ASPHD1: variants seen among roughly 807,000 people sequenced by gnomAD.
ASPHD1 encodes the protein aspartate beta-hydroxylase domain containing 1, also known as aspartate beta-hydroxylase domain-containing protein 1.
ASPHD1 carries 20 observed loss-of-function variants against 28.3 expected under a neutral mutation model. The observed-to-expected ratio is 0.71, with a 90% confidence interval of 0.50 to 1.03. ASPHD1 has a LOEUF of 1.03. ASPHD1 is among the 50% of genes least tolerant of loss of function. The pLI, the probability that ASPHD1 is intolerant of heterozygous loss-of-function variation, is 0.00. For missense variants in ASPHD1, 479 were observed against 524.1 expected (o/e 0.91, Z 0.84); for synonymous variants, 240 against 221.2 (o/e 1.08, Z -0.75).
At chr16:29,911,935 A>T (rs780447062) in intron 3 of ASPHD1, 3 of 1,609,590 alleles carry the variant, frequency 1.9e-6, no homozygotes, top group Admixed American at 3.4e-5. Flanking sequence ...GTGAGCCTCC[A>T]CCCTGCAGGG....
chr16:29,915,986 C>G (rs1197762328), intron 3 of ASPHD1, among the ~76,000 whole-genome samples: 2 of 152,080 alleles, frequency 1.3e-5, no homozygotes, highest in African/African-American at 4.8e-5. Context: ...AACTTACTCT[C>G]TCCTCTTCAG....
chr16:29,919,148 TG>T (rs1349391419), intron 3 of ASPHD1, among the ~76,000 whole-genome samples: 2 of 152,158 alleles, frequency 1.3e-5, no homozygotes, highest in Admixed American at 6.5e-5. Flanking sequence ...AGGATAAGGC[TG>T]GGTAATAAAC....
At chr16:29,904,424 G>A (rs2068581388) in intron 1 of ASPHD1, among the ~76,000 whole-genome samples, 1 of 150,316 alleles carries the variant, frequency 6.7e-6, no homozygotes, top group South Asian at 2.1e-4. Context: ...CCAACCTGGC[G>A]ACAGAGCAAG....
At chr16:29,907,114 A>G (rs747340195), downstream of ASPHD1, 15 of 1,595,454 alleles carry the variant, frequency 9.4e-6, no homozygotes, top group South Asian at 1.3e-4. Context: ...TCCACCTGCA[A>G]AAGGCCAGCC....
rs529978055 is a variant in ASPHD1, at chr16:29,904,724, T to C, written c.950-128T>C. 14 of 588,082 alleles carry C rather than the reference T, an allele frequency of 2.4e-5. No individual in the cohort carries two copies. In the South Asian group the frequency reaches 3.0e-4, roughly 13 times the overall value. The allele number at this position is 588,082 out of a possible 1,614,324, so 36.4% of individuals were successfully genotyped here. A position where few individuals can be genotyped will look rare whatever the true frequency, so the allele number is the denominator to read the frequency against. On this transcript the variant is annotated intron_variant, in intron 1 of 2. Transcript: ENST00000308748. ...TTGTAATTATACTGTGGCCACTTTC[T>C]GGAAAGAAAGGAGGATGACCACAAA...
rs1379891732 is a variant in ASPHD1 at position 29,911,592 on chromosome 16, A to T, written c.*62+5633A>T. On this transcript the variant is annotated intron_variant and NMD_transcript_variant, in intron 3 of 3. Transcript: ENST00000414952. Reference sequence around the variant, plus strand: ...GAGCACTTGGGATAGGCTCGCCACTATCACTTTGTCCTCACCCAAACCCAT... The same window carrying T: ...GAGCACTTGGGATAGGCTCGCCACTTTCACTTTGTCCTCACCCAAACCCAT... 12 of 598,160 alleles carry T rather than the reference A, an allele frequency of 2.0e-5. No homozygotes were observed. The East Asian group carries it at 3.3e-4, about 17-fold the overall frequency. 37.1% of individuals were successfully genotyped at this position (598,160 alleles called of 1,614,324 possible). A position where few individuals can be genotyped will look rare whatever the true frequency, so the allele number is the denominator to read the frequency against.
Position 29,901,865 on chromosome 16 carries a change from G to A in ASPHD1, c.894G>A (p.Gly298=). The A allele has an allele frequency of 6.5e-7, 1 of 1,536,134 alleles. No individual in the cohort carries two copies. Among genetic ancestry groups the A allele is most frequent in the Non-Finnish European group, 8.7e-7 (1 of 1,143,684 alleles). Residue 298 remains glycine (G), a synonymous_variant, in exon 1 of 3, where the codon GGG becomes GGA. Coordinates refer to ENST00000308748, the MANE Select transcript of ASPHD1 (RefSeq NM_181718.4). The surrounding 1 kb of genome is among the most constrained non-coding windows in gnomAD (Gnocchi z 5.1). ...CCGGCTTTTCCGTTCTCCTGCCTGG[G>A]GCCCGGCTCGAGGGCCGCTGTGGGC... The part of the protein sequence containing the change: ...GNAGFSVLLP[G]ARLEGRCGPT...
intron 3 of ASPHD1, among the ~76,000 whole-genome samples, chr16:29,916,784 C>G (rs1438970552): frequency 6.6e-6 from 1 of 152,192 alleles, no homozygotes; most frequent in Admixed American, 6.6e-5. Context: ...CTGGGTGGCC[C>G]TGGCCCAGAA....
chr16:29,905,840 C>T lies in ASPHD1; in HGVS notation c.1116C>T (p.Pro372=). The stretch of plus-strand genomic sequence containing the variant: ...TCTTCATCGTGGACCTCTGGCACCC[C>T]AACGTGGCAGGGGCTGAGCGCCAGG... ...RVVFIVDLWH[P]NVAGAERQAL... Residue 372 remains proline, a synonymous_variant, in exon 3 of 3, where the codon CCC becomes CCT. Coordinates refer to ENST00000308748, the MANE Select transcript of ASPHD1 (RefSeq NM_181718.4). 1.2e-6 allele frequency: 2 copies of T among 1,613,796 alleles called. No individual in the cohort carries two copies. The highest frequency in any genetic ancestry group is 1.7e-6 in the Non-Finnish European group (2 of 1,179,916).
chr16:29,911,480 C>T (rs2068708244), intron 3 of ASPHD1: 2 of 562,294 alleles, frequency 3.6e-6, no homozygotes, highest in Non-Finnish European at 6.3e-6. Context: ...TACTTCACCT[C>T]TTGGTGTCCC....
chr16:29,907,189 C>A (rs1454443906), downstream of ASPHD1: 99 of 938,438 alleles, frequency 1.1e-4, no homozygotes, highest in Non-Finnish European at 8.2e-6. Context: ...GCCCCTGCAC[C>A]AACACACCTC....
Position 29,901,247 on chromosome 16 carries a change from C to T in ASPHD1, c.276C>T (p.Leu92=). The T allele has an allele frequency of 6.2e-7, 1 of 1,613,676 alleles. No homozygotes were observed. The highest frequency in any genetic ancestry group is 1.1e-5 in the South Asian group (1 of 91,082). Reference sequence around the variant, plus strand: ...TCGGGGCCCTCACTTCCCTGTTCCTCTGGTACTGCTACCGCCTGGGCTCCC... The same window carrying T: ...TCGGGGCCCTCACTTCCCTGTTCCTTTGGTACTGCTACCGCCTGGGCTCCC... ...LLFGALTSLF[L]WYCYRLGSQD... is the part of the protein sequence containing the mutation. Residue 92 remains leucine (L), a synonymous_variant, in exon 1 of 3, where the codon CTC becomes CTT. Coordinates refer to ENST00000308748, the MANE Select transcript of ASPHD1 (RefSeq NM_181718.4). This position sits in a 1 kb window ranked among gnomAD's most constrained non-coding sequence, Gnocchi z 5.1.
At chr16:29,910,397 AAATAAT>A (rs142518050), downstream of ASPHD1, among the ~76,000 whole-genome samples, 3,597 of 151,348 alleles carry the variant, frequency 0.024, 129 homozygotes, top group African/African-American at 0.083. Context: ...ACTCCATCTC[AAATAAT>A]AATAATAATA....
chr16:29,919,338 T>C (rs2068867538), intron 3 of ASPHD1, among the ~76,000 whole-genome samples: 1 of 152,236 alleles, frequency 6.6e-6, no homozygotes, highest in African/African-American at 2.4e-5. Flanking sequence ...ATGGTATTAT[T>C]TGGCTTATGT....
intron 3 of ASPHD1, among the ~76,000 whole-genome samples, chr16:29,917,938 ACT>A (rs1024163760): frequency 2.0e-5 from 3 of 152,100 alleles, no homozygotes; most frequent in Non-Finnish European, 4.4e-5. Context: ...ACAGATCAAG[ACT>A]CTGCCTCAAA....
chr16:29,912,706 C>T (rs1172477666), intron 3 of ASPHD1, among the ~76,000 whole-genome samples: 2 of 152,258 alleles, frequency 1.3e-5, no homozygotes, highest in East Asian at 1.9e-4. Context: ...TCCCAAAGTG[C>T]TGGGATTACA....
At chr16:29,902,876 A>ATT (rs1157464686) in intron 1 of ASPHD1, among the ~76,000 whole-genome samples, 1 of 97,438 alleles carries the variant, frequency 1.0e-5, no homozygotes, top group Non-Finnish European at 2.1e-5. Context: ...CCAAACTGAG[A>ATT]TTTTTTCTTT....
At chr16:29,910,610 T>C (rs1442328658), downstream of ASPHD1, among the ~76,000 whole-genome samples, 1 of 152,078 alleles carries the variant, frequency 6.6e-6, no homozygotes, top group Non-Finnish European at 1.5e-5. Context: ...CCTCCTGCCT[T>C]GGCCTCCCAG....
intron 3 of ASPHD1, chr16:29,911,242 G>C: frequency 8.2e-7 from 1 of 1,226,254 alleles, no homozygotes; most frequent in Non-Finnish European, 1.2e-6. Flanking sequence ...CAGAAGACGG[G>C]CCTGGATGCA....
Sources: allele counts gnomAD v4.1 joint callset (sites outside exome capture counted in the v4.1 genomes callset), GRCh38; gene constraint gnomAD v4.1.1; non-coding constraint Gnocchi (gnomAD v3.1); transcripts MANE v1.5; gene names NCBI Gene and HGNC (gene_info 2026-07-23, HGNC 2026-07-21).